The following CDKN3 variants were observed in gnomAD, a reference collection of about 807,000 sequenced individuals.
CDKN3 encodes the protein cyclin-dependent kinase inhibitor 3.
CDKN3 carries 19 observed loss-of-function variants against 36.1 expected under a neutral mutation model. That is an observed-to-expected ratio of 0.53 (90% CI 0.37 to 0.77). CDKN3 has a LOEUF of 0.77. Among genes scored for constraint, CDKN3 ranks in the 30% least tolerant of loss-of-function variants. The pLI is 0.00. For synonymous variants in CDKN3, 71 were observed against 85.3 expected (o/e 0.83, Z 0.92); for missense variants, 188 against 248.6 (o/e 0.76, Z 1.64).
chr14:54,409,818 T>A (rs2139979002), intron 4 of CDKN3, among the ~76,000 whole-genome samples: 1 of 150,062 alleles, frequency 6.7e-6, no homozygotes, highest in African/African-American at 2.5e-5. Context: ...TGCTCTGTCA[T>A]CCAGGCTGGA....
At chr14:54,414,708 G>GTTTT in intron 5 of CDKN3, among the ~76,000 whole-genome samples, 1 of 139,998 alleles carries the variant, frequency 7.1e-6, no homozygotes, top group African/African-American at 2.8e-5. Context: ...ACCGTGCCAG[G>GTTTT]CTTTTTTTTT....
At position 54,411,450 on chromosome 14, in the gene CDKN3, G is replaced by T. The variant is rs192050182; in HGVS notation, c.194-34G>T. 103 of 1,476,966 alleles carry T rather than the reference G, an allele frequency of 7.0e-5. No individual in the cohort carries two copies. The Admixed American group carries it at 1.8e-3, about 25-fold the overall frequency. 91.5% of individuals were successfully genotyped at this position (1,476,966 alleles called of 1,614,324 possible). A position where few individuals can be genotyped will look rare whatever the true frequency, so the allele number is the denominator to read the frequency against. ...TATTTAAATGTGTGATGTTTTCTAT[G>T]TGTGTGTGTCTGTGTATCCTGGTCT... On this transcript the variant is annotated intron_variant, in intron 4 of 7. Transcript: ENST00000335183.
At chr14:54,412,695 C>A in intron 5 of CDKN3, 1 of 330,244 alleles carries the variant, frequency 3.0e-6, no homozygotes, top group Non-Finnish European at 6.3e-6. Flanking sequence ...TTCAAAGGGG[C>A]GATGTGGATA....
intron 3 of CDKN3, among the ~76,000 whole-genome samples, chr14:54,402,897 C>T (rs1435074921): frequency 2.0e-5 from 3 of 152,104 alleles, no homozygotes; most frequent in Non-Finnish European, 4.4e-5. Flanking sequence ...CTGTTCTGTT[C>T]CATTGGTCTA....
chr14:54,402,983 T>C (rs2030014606), intron 3 of CDKN3, among the ~76,000 whole-genome samples: 1 of 152,226 alleles, frequency 6.6e-6, no homozygotes, highest in Non-Finnish European at 1.5e-5. Context: ...TCAGGTAGCG[T>C]GATGCCTCCA....
chr14:54,417,913 C>A lies in CDKN3; in HGVS notation c.514C>A (p.Arg172=). Residue 172 remains arginine (R), a synonymous_variant, in exon 7 of 8, where the codon CGA becomes AGA. Coordinates refer to ENST00000335183, the MANE Select transcript of CDKN3 (RefSeq NM_005192.4). ...ACCAGAGCAAGCCATAGACAGCCTG[C>A]GAGACCTAAGAGGATCCGGGGCAAT... ...ISPEQAIDSL[R]DLRGSGAIQT... 2 of 1,596,140 alleles carry A rather than the reference C, an allele frequency of 1.3e-6. No homozygotes were observed. The highest frequency in any genetic ancestry group is 1.1e-5 in the South Asian group (1 of 88,096).
intron 2 of CDKN3, among the ~76,000 whole-genome samples, chr14:54,400,272 A>G (rs1050330910): frequency 7.1e-6 from 1 of 141,532 alleles, no homozygotes; most frequent in Non-Finnish European, 1.5e-5. Flanking sequence ...CCCTTCTACT[A>G]ACTTAGTAGA....
chr14:54,401,634 T>A, intron 3 of CDKN3, 55 bp downstream of exon 3: 1 of 1,221,710 alleles, frequency 8.2e-7, no homozygotes, highest in Non-Finnish European at 1.2e-6. Context: ...TTTAATATAT[T>A]TTTATTGCAG....
intron 3 of CDKN3, among the ~76,000 whole-genome samples, chr14:54,402,300 A>ATG (rs1491262298): frequency 4.4e-4 from 49 of 110,330 alleles, no homozygotes; most frequent in African/African-American, 9.4e-4. Context: ...ATTCCATGGC[A>ATG]TGTGTGTGCG....
At chr14:54,402,899 A>G (rs975383810) in intron 3 of CDKN3, among the ~76,000 whole-genome samples, 4 of 152,044 alleles carry the variant, frequency 2.6e-5, no homozygotes, top group African/African-American at 9.7e-5. Context: ...GTTCTGTTCC[A>G]TTGGTCTATA....
chr14:54,419,318 T>A (rs1262925379), intron 7 of CDKN3, among the ~76,000 whole-genome samples: 2 of 152,212 alleles, frequency 1.3e-5, no homozygotes, highest in Admixed American at 1.3e-4. Context: ...ACAGACTCAG[T>A]TTATCACCTC....
At chr14:54,405,082 T>C (rs1200567826) in intron 3 of CDKN3, among the ~76,000 whole-genome samples, 1 of 152,174 alleles carries the variant, frequency 6.6e-6, no homozygotes, top group Admixed American at 6.5e-5. Flanking sequence ...AAATAACTTC[T>C]TTTTTTCTGC....
rs975443873 is a variant in CDKN3 at position 54,397,017 on chromosome 14, C to T, written c.-52C>T. 20 of 1,442,508 alleles carry T rather than the reference C, an allele frequency of 1.4e-5. No individual in the cohort carries two copies. In the East Asian group the frequency reaches 4.9e-4, roughly 36 times the overall value. 89.4% of individuals were successfully genotyped at this position (1,442,508 alleles called of 1,614,324 possible). A position where few individuals can be genotyped will look rare whatever the true frequency, so the allele number is the denominator to read the frequency against. On this transcript the variant is annotated 5_prime_UTR_variant, in exon 1 of 8. Transcript: ENST00000335183. The stretch of plus-strand genomic sequence containing the variant: ...GGGCTCGGCCGGGGCACCGGTGAGT[C>T]GCCGGCGCTGCAGAGGGAGGCGGCA...
chr14:54,413,490 A>C lies in CDKN3; in HGVS notation c.416+1784A>C, dbSNP rs1001195138. 7 of 729,612 alleles carry C rather than the reference A, an allele frequency of 9.6e-6. No individual in the cohort carries two copies. In the African/African-American group the frequency reaches 1.1e-4, roughly 11 times the overall value. 45.2% of individuals were successfully genotyped at this position (729,612 alleles called of 1,614,324 possible). ...TGGTTCTGGCAACCCAAATGCTCTG[A>C]TGTTTGTGCAGAGTACAAACAGGAT... On this transcript the variant is annotated intron_variant, in intron 5 of 7. Coordinates refer to ENST00000335183, the MANE Select transcript of CDKN3 (RefSeq NM_005192.4).
chr14:54,404,887 A>C (rs2030101777), intron 3 of CDKN3, among the ~76,000 whole-genome samples: 1 of 152,066 alleles, frequency 6.6e-6, no homozygotes, highest in Admixed American at 6.6e-5. Context: ...GCTTGATCTT[A>C]GTTATTTCTT....
At chr14:54,409,388 GA>G in intron 4 of CDKN3, among the ~76,000 whole-genome samples, 1 of 152,260 alleles carries the variant, frequency 6.6e-6, no homozygotes, top group Admixed American at 6.5e-5. Flanking sequence ...GATTGGCCTG[GA>G]ATGTCTCAAA....
intron 1 of CDKN3, 137 bp downstream of exon 1, chr14:54,397,214 G>A (rs1434634792): frequency 9.7e-7 from 1 of 1,033,022 alleles, no homozygotes. Context: ...GCGGGTCGGG[G>A]AGGTGACTCG....
At chr14:54,417,414 T>C (rs890780776) in intron 6 of CDKN3, among the ~76,000 whole-genome samples, 24 of 152,212 alleles carry the variant, frequency 1.6e-4, no homozygotes, top group Admixed American at 2.6e-4. Context: ...AAATATTGTA[T>C]GTTTCCGTTT....
rs1225119823 is a variant in CDKN3 at position 54,397,032 on chromosome 14, G to C, written c.-37G>C. The C allele has an allele frequency of 2.7e-6, 4 of 1,476,896 alleles. No individual in the cohort carries two copies. The African/African-American group carries it at 4.4e-5, about 16-fold the overall frequency. 91.5% of individuals were successfully genotyped at this position (1,476,896 alleles called of 1,614,324 possible). A position where few individuals can be genotyped will look rare whatever the true frequency, so the allele number is the denominator to read the frequency against. On this transcript the variant is annotated 5_prime_UTR_variant, in exon 1 of 8. Coordinates refer to ENST00000335183, the MANE Select transcript of CDKN3 (RefSeq NM_005192.4). ...ACCGGTGAGTCGCCGGCGCTGCAGA[G>C]GGAGGCGGCACTGGTCTCGACGTGG...
Sources: allele counts gnomAD v4.1 joint callset (sites outside exome capture counted in the v4.1 genomes callset), GRCh38; gene constraint gnomAD v4.1.1; transcripts MANE v1.5; gene names NCBI Gene and HGNC (gene_info 2026-07-23, HGNC 2026-07-21).